CCNA1: variants seen among roughly 807,000 people sequenced by gnomAD.
CCNA1 encodes the protein cyclin-A1.
CCNA1 carries 23 observed loss-of-function variants against 54.1 expected under a neutral mutation model. The observed-to-expected ratio is 0.42, with a 90% CI of 0.31 to 0.60. The LOEUF (loss-of-function observed/expected upper bound fraction) is 0.60. Among genes scored for constraint, CCNA1 ranks in the 20% least tolerant of loss-of-function variants. The pLI is 0.14. For missense variants in CCNA1, 450 were observed against 556.7 expected (o/e 0.81, Z 1.93); for synonymous variants, 208 against 213.9 (o/e 0.97, Z 0.24).
chr13:36,432,404 C>CGCCCG (rs1405827043), upstream of CCNA1: 23 of 267,436 alleles, frequency 8.6e-5, no homozygotes, highest in East Asian at 4.0e-4. Context: ...CGCCCTGCCC[C>CGCCCG]GCCCGGCCCG....
At chr13:36,433,420 TTCTTTCTTTCTTTC>T (rs2055751728) in intron 2 of CCNA1, among the ~76,000 whole-genome samples, 199 bp downstream of exon 2, 1 of 126,452 alleles carries the variant, frequency 7.9e-6, no homozygotes, top group Admixed American at 8.2e-5. Context: ...CTTTCTTTCT[TTCTTTCTTTCTTTC>T]TTTCTTTCGT....
chr13:36,436,414 C>G (rs968620966), intron 2 of CCNA1, among the ~76,000 whole-genome samples: 1 of 152,168 alleles, frequency 6.6e-6, no homozygotes, highest in Non-Finnish European at 1.5e-5. Context: ...CTTCCACAGA[C>G]TAGAATATAA....
At chr13:36,441,409 A>G (rs531860953) in intron 7 of CCNA1, among the ~76,000 whole-genome samples, 178 bp downstream of exon 7, 1 of 152,286 alleles carries the variant, frequency 6.6e-6, no homozygotes, top group East Asian at 1.9e-4. Context: ...CTCTATGAGG[A>G]CTGAGATTGC....
chr13:36,432,825 G>A (rs1442210051), intron 1 of CCNA1, 96 bp downstream of exon 1: 22 of 1,001,576 alleles, frequency 2.2e-5, no homozygotes, highest in Non-Finnish European at 3.4e-5. Context: ...CCTCCCTCAG[G>A]GATTCAAATA....
intron 4 of CCNA1, among the ~76,000 whole-genome samples, chr13:36,438,414 T>G (rs1436699265): frequency 6.6e-6 from 1 of 152,206 alleles, no homozygotes; most frequent in Non-Finnish European, 1.5e-5. Context: ...CTCTTAGGAA[T>G]AATTCATATT....
chr13:36,432,815 C>A, intron 1 of CCNA1, 86 bp downstream of exon 1: 1 of 1,053,968 alleles, frequency 9.5e-7, no homozygotes, highest in Non-Finnish European at 1.4e-6. Context: ...GGATAAAAAG[C>A]CTCCCTCAGG....
intron 2 of CCNA1, among the ~76,000 whole-genome samples, chr13:36,433,443 GTTCTTTCTTTCT>G (rs144960649): frequency 3.7e-5 from 2 of 53,808 alleles, no homozygotes; most frequent in Admixed American, 2.1e-4. Flanking sequence ...TCTTTCTTTC[GTTCTTTCTTTCT>G]TTCTTTTCTT....
intron 5 of CCNA1, among the ~76,000 whole-genome samples, chr13:36,439,149 G>A (rs2055845213): frequency 6.6e-6 from 1 of 152,178 alleles, no homozygotes; most frequent in African/African-American, 2.4e-5. Flanking sequence ...ATTTTGCAGT[G>A]TAGTCTTTTT....
intron 2 of CCNA1, among the ~76,000 whole-genome samples, chr13:36,435,969 C>G (rs1339872104): frequency 1.3e-5 from 2 of 152,236 alleles, no homozygotes; most frequent in African/African-American, 4.8e-5. Context: ...CACCCCACAT[C>G]TAATCTTATG....
intron 5 of CCNA1, among the ~76,000 whole-genome samples, chr13:36,439,215 C>T (rs1308368151): frequency 1.3e-5 from 2 of 152,190 alleles, no homozygotes; most frequent in African/African-American, 2.4e-5. Flanking sequence ...AAAAAGCTAT[C>T]TTCATGATCT....
In CCNA1 at chr13:36,437,857, C is replaced by T. The variant is rs1184374966; in HGVS notation, c.526C>T (p.Leu176=). 6.2e-7 allele frequency: 1 copy of T among 1,613,568 alleles called. No individual in the cohort carries two copies. Reference sequence around the variant, plus strand: ...CACACTCAAGTCAGACCTGCACTTCCTGCTGGATTTCAACACAGGTAACTG... The same window carrying T: ...CACACTCAAGTCAGACCTGCACTTCTTGCTGGATTTCAACACAGGTAACTG... Residue 176 remains leucine (L), a synonymous_variant, in exon 3 of 9, where the codon CTG becomes TTG. Transcript: ENST00000255465.
chr13:36,436,479 C>T (rs780675463), intron 2 of CCNA1, among the ~76,000 whole-genome samples: 39 of 152,086 alleles, frequency 2.6e-4, no homozygotes, highest in Admixed American at 7.2e-4. Flanking sequence ...ATTCTGGGCA[C>T]GAGAAAAGCT....
In CCNA1 at chr13:36,438,877, C is replaced by T. The variant is rs747732303; in HGVS notation, c.893+10C>T. On this transcript the variant is annotated intron_variant, in intron 5 of 8. Transcript: ENST00000255465. ...CTATGCTTTTGGCTTCGTAAGTGTT[C>T]TTTCAGCTTGCATAATATGAAACTA... 41 of 1,597,380 alleles carry T rather than the reference C, an allele frequency of 2.6e-5. No homozygotes were observed. Among genetic ancestry groups the T allele is most frequent in the Non-Finnish European group, 3.5e-5 (41 of 1,165,028 alleles).
At chr13:36,438,260 T>C in intron 4 of CCNA1, 69 bp downstream of exon 4, 1 of 1,420,168 alleles carries the variant, frequency 7.0e-7, no homozygotes, top group Non-Finnish European at 9.6e-7. Context: ...AATTATAAAC[T>C]CTTGGTCCAT....
At chr13:36,433,563 C>T (rs537363286) in intron 2 of CCNA1, among the ~76,000 whole-genome samples, 19 of 122,716 alleles carry the variant, frequency 1.5e-4, no homozygotes, top group Non-Finnish European at 2.4e-4. Flanking sequence ...TTTTTTGAGA[C>T]GGAGTTTCGC....
At position 36,442,767 on chromosome 13, in the gene CCNA1, A is replaced by G. The variant is rs2055891085; in HGVS notation, c.*102A>G. 4.5e-6 allele frequency: 4 copies of G among 892,112 alleles called. No individual in the cohort carries two copies. In the East Asian group the frequency reaches 7.5e-5, roughly 17 times the overall value. 55.3% of individuals were successfully genotyped at this position (892,112 alleles called of 1,614,324 possible). A position where few individuals can be genotyped will look rare whatever the true frequency, so the allele number is the denominator to read the frequency against. ...TGGATCAACTAATGTTGTTTACAAT[A>G]TAGATGACATTTTAAAAATGTAAAT... On this transcript the variant is annotated 3_prime_UTR_variant, in exon 9 of 9. Transcript: ENST00000255465.
chr13:36,438,927 T>C, intron 5 of CCNA1, 60 bp downstream of exon 5: 1 of 1,278,470 alleles, frequency 7.8e-7, no homozygotes, highest in Non-Finnish European at 1.1e-6. Flanking sequence ...ATGGAATTTT[T>C]GTCCTCTATT....
chr13:36,433,427 T>TTTCGTTCGTTCG (rs1482700784), intron 2 of CCNA1, among the ~76,000 whole-genome samples: 26 of 112,552 alleles, frequency 2.3e-4, no homozygotes, highest in African/African-American at 8.6e-4. Context: ...TCTTTCTTTC[T>TTTCGTTCGTTCG]TTCTTTCTTT....
intron 5 of CCNA1, among the ~76,000 whole-genome samples, chr13:36,439,299 A>G (rs1408970879): frequency 6.6e-6 from 1 of 152,202 alleles, no homozygotes; most frequent in Non-Finnish European, 1.5e-5. Flanking sequence ...TGTTACTATC[A>G]TTCATTCATG....
Sources: allele counts gnomAD v4.1 joint callset (sites outside exome capture counted in the v4.1 genomes callset), GRCh38; gene constraint gnomAD v4.1.1; transcripts MANE v1.5; gene names NCBI Gene and HGNC (gene_info 2026-07-23, HGNC 2026-07-21).